The following NLRP13 variants were observed in gnomAD, a reference collection of about 807,000 sequenced individuals.
The protein encoded by NLRP13 is NLR family pyrin domain containing 13.
In NLRP13, 82 loss-of-function variants were observed where a neutral mutation model predicts 94.4. The ratio of observed to expected loss-of-function variants is 0.87; its 90% CI spans 0.73 to 1.04. The LOEUF (loss-of-function observed/expected upper bound fraction) is 1.04, where lower values mean the gene tolerates loss of function less well. Among genes scored for constraint, NLRP13 ranks in the 50% least tolerant of loss-of-function variants. The pLI is 0.00. For missense variants in NLRP13, 1,426 were observed against 1,230.8 expected, an observed-to-expected ratio of 1.16 and a Z score of -2.37; for synonymous variants, 553 against 464.7, an observed-to-expected ratio of 1.19 and a Z score of -2.45.
downstream of NLRP13, chr19:55,892,142 A>G (rs1399419170): frequency 5.7e-6 from 7 of 1,231,504 alleles, no homozygotes; most frequent in South Asian, 2.5e-4. Context: ...AGAAGTACTG[A>G]AGTTTAGAAG....
chr19:55,924,993 T>C lies in NLRP13; in HGVS notation c.362A>G (p.Asp121Gly). The change falls in exon 2 of 11, where the codon GAT (aspartate) becomes GGT (glycine). Residue 121 changes from aspartate to glycine, a missense_variant. Asp to Gly is a moderately conservative substitution (Grantham distance 94). Transcript: ENST00000342929. ...TQELQDPTQE[D>G]LEMLEAAAGN... The stretch of plus-strand genomic sequence containing the variant: ...TGCTGCTGCTTCTAGCATCTCTAGA[T>C]CTTCCTGGGTTGGATCTTGCAGCTC... The C allele has an allele frequency of 6.2e-7, 1 of 1,614,160 alleles. No homozygotes were observed. Among genetic ancestry groups the C allele is most frequent in the East Asian group, 2.2e-5 (1 of 44,872 alleles).
chr19:55,895,891 AGTCAATCTAGCCTT>A, downstream of NLRP13: 1 of 1,562,150 alleles, frequency 6.4e-7, no homozygotes. Flanking sequence ...CTAGAAGCCT[AGTCAATCTAGCCTT>A]GTCCCTGTAT....
chr19:55,891,770 A>T (rs1164697556), downstream of NLRP13: 1 of 295,638 alleles, frequency 3.4e-6, no homozygotes, highest in Non-Finnish European at 6.2e-6. Flanking sequence ...GACATAGACA[A>T]GACTGAAGGC....
rs1360413069 is a variant in NLRP13, at chr19:55,907,967, G to A, written c.2283-11C>T. On this transcript the variant is annotated splice_polypyrimidine_tract_variant and intron_variant, in intron 6 of 10. Coordinates refer to ENST00000342929, the MANE Select transcript of NLRP13 (RefSeq NM_176810.2). ...GTTACCGATTTGCACCTGAGGAAGG[G>A]AAGGGACATGAAAGCTGGATTGGGG... 6.9e-6 allele frequency: 11 copies of A among 1,586,942 alleles called. No homozygotes were observed. Among genetic ancestry groups the A allele is most frequent in the Non-Finnish European group, 9.4e-6 (11 of 1,164,352 alleles).
In NLRP13 at chr19:55,902,178, G is replaced by C; in HGVS notation, c.2646C>G (p.Pro882=). Reference sequence around the variant, plus strand: ...GAGCATCTGACAAGTGCTTGCAAGCGGGTGCTGCCAGCTGGCAAAACCAGA... The same window carrying C: ...GAGCATCTGACAAGTGCTTGCAAGCCGGTGCTGCCAGCTGGCAAAACCAGA... ...LELWFCQLAA[P]ACKHLSDALL... The change falls in exon 9 of 11, where the codon CCC becomes CCG. Residue 882 remains proline, a synonymous_variant. Transcript: ENST00000342929. 6.2e-7 allele frequency: 1 copy of C among 1,613,798 alleles called. No individual in the cohort carries two copies. The highest frequency in any genetic ancestry group is 2.2e-5 in the East Asian group (1 of 44,862).
rs2123108329 is a variant in NLRP13 at position 55,902,130 on chromosome 19, T to C, written c.2694A>G (p.Thr898=). 1.2e-6 allele frequency: 2 copies of C among 1,614,130 alleles called. No homozygotes were observed. The highest frequency in any genetic ancestry group is 1.7e-6 in the Non-Finnish European group (2 of 1,180,010). Residue 898 remains threonine (T), a synonymous_variant, in exon 9 of 11, where the codon ACA becomes ACG. Transcript: ENST00000342929. ...GGCTGTTCTTGCTCAGATTCAGGTG[T>C]GTCAGGCTCCTGTTCTGCAGGAGAG... The part of the protein sequence containing the change: ...SDALLQNRSL[T]HLNLSKNSLR...
chr19:55,902,460 AG>A (rs1048849631), intron 8 of NLRP13, among the ~76,000 whole-genome samples: 3 of 151,714 alleles, frequency 2.0e-5, no homozygotes, highest in Non-Finnish European at 4.4e-5. Flanking sequence ...GAAAAAATAA[AG>A]AAAAAAAAAA....
chr19:55,898,949 A>T lies in NLRP13; in HGVS notation c.2790-12T>A. On this transcript the variant is annotated splice_polypyrimidine_tract_variant and intron_variant, in intron 9 of 10. Transcript: ENST00000342929. The stretch of plus-strand genomic sequence containing the variant: ...AACAACCTGACAAACTGCAAAATAA[A>T]AACATACAAAAGGGGGGAAAGTAAT... 1 of 1,605,864 alleles carries T rather than the reference A, an allele frequency of 6.2e-7. No individual in the cohort carries two copies. Among genetic ancestry groups the T allele is most frequent in the Non-Finnish European group, 8.5e-7 (1 of 1,177,052 alleles).
chr19:55,910,489 C>T, intron 6 of NLRP13, 74 bp downstream of exon 6: 2 of 1,381,694 alleles, frequency 1.4e-6, no homozygotes, highest in Non-Finnish European at 1.9e-6. Context: ...AATAGTCAAC[C>T]ACACTCATCA....
intron 9 of NLRP13, among the ~76,000 whole-genome samples, 153 bp downstream of exon 9, chr19:55,901,882 C>G (rs936833005): frequency 6.6e-6 from 1 of 152,128 alleles, no homozygotes; most frequent in African/African-American, 2.4e-5. Flanking sequence ...TCCCACTTTC[C>G]CCATCCCACA....
At chr19:55,900,432 G>T (rs1030996223) in intron 9 of NLRP13, among the ~76,000 whole-genome samples, 3 of 152,176 alleles carry the variant, frequency 2.0e-5, no homozygotes, top group African/African-American at 7.2e-5. Context: ...CTTAGAGGGA[G>T]AAATTAGTTC....
At position 55,923,867 on chromosome 19, in the gene NLRP13, G is replaced by A. The variant is rs1369522917; in HGVS notation, c.523+47C>T. 3 of 1,415,030 alleles carry A rather than the reference G, an allele frequency of 2.1e-6. No individual in the cohort carries two copies. In the South Asian group the frequency reaches 3.4e-5, roughly 16 times the overall value. The allele number at this position is 1,415,030 out of a possible 1,614,324, so 87.7% of individuals were successfully genotyped here. On this transcript the variant is annotated intron_variant, in intron 4 of 10. Coordinates refer to ENST00000342929, the MANE Select transcript of NLRP13 (RefSeq NM_176810.2). ...CTACTATGGACCTAGTGAAACCAAT[G>A]CTCGTCAAGCAACCTGTCCATTATC...
rs1347886956 is a variant in NLRP13 at position 55,910,701 on chromosome 19, C to T, written c.2144G>A (p.Trp715Ter). ...TSKFDSRMHA[W>*]NSICSTLVTN... ...GACCAACGTAGAGCAAATGCTGTTC[C>T]ATGCGTGCATCCTGGAATCAAACTT... The change falls in exon 6 of 11, where the codon TGG (tryptophan) becomes TAG (stop). Residue 715 changes from tryptophan (W) to a stop codon, truncating the protein, a stop_gained. Coordinates refer to ENST00000342929, the MANE Select transcript of NLRP13 (RefSeq NM_176810.2). LOFTEE classifies it high-confidence loss of function. 1.9e-6 allele frequency: 3 copies of T among 1,610,440 alleles called. No homozygotes were observed. Among genetic ancestry groups the T allele is most frequent in the African/African-American group, 1.3e-5 (1 of 74,874 alleles).
intron 10 of NLRP13, among the ~76,000 whole-genome samples, chr19:55,898,305 G>A (rs192874144): frequency 3.3e-5 from 5 of 150,602 alleles, no homozygotes; most frequent in East Asian, 4.0e-4. Context: ...TACCTCCCGG[G>A]TTCAAGCGAT....
intron 4 of NLRP13, among the ~76,000 whole-genome samples, chr19:55,914,423 C>T (rs1259151359): frequency 6.6e-6 from 1 of 152,118 alleles, no homozygotes; most frequent in Non-Finnish European, 1.5e-5. Flanking sequence ...GATTATGATG[C>T]ATCAGTGTAG....
intron 6 of NLRP13, among the ~76,000 whole-genome samples, chr19:55,909,910 C>T (rs944813366): frequency 1.3e-5 from 2 of 152,134 alleles, no homozygotes; most frequent in African/African-American, 4.8e-5. Flanking sequence ...GGTCTTTACC[C>T]AAATACCTTT....
intron 6 of NLRP13, among the ~76,000 whole-genome samples, chr19:55,908,943 C>G (rs998861679): frequency 1.6e-4 from 25 of 152,154 alleles, no homozygotes; most frequent in African/African-American, 5.6e-4. Context: ...AGGCCACAGC[C>G]CCCTCTGCCT....
chr19:55,918,953 C>A (rs1052186112), intron 4 of NLRP13, among the ~76,000 whole-genome samples: 4 of 151,924 alleles, frequency 2.6e-5, no homozygotes, highest in Non-Finnish European at 5.9e-5. Flanking sequence ...CCCTGATGAA[C>A]ATAAGTGCAA....
chr19:55,905,348 C>T (rs1399744754), intron 7 of NLRP13, among the ~76,000 whole-genome samples: 2 of 151,472 alleles, frequency 1.3e-5, no homozygotes, highest in Non-Finnish European at 2.9e-5. Flanking sequence ...TCGAGAGCAG[C>T]CTGGCCAACA....
Sources: allele counts gnomAD v4.1 joint callset (sites outside exome capture counted in the v4.1 genomes callset), GRCh38; gene constraint gnomAD v4.1.1; transcripts MANE v1.5; gene names NCBI Gene and HGNC (gene_info 2026-07-23, HGNC 2026-07-21).